The following ADAMTSL1 variants were observed in gnomAD, a reference collection of about 807,000 sequenced individuals.
ADAMTSL1 encodes the protein ADAMTS-like protein 1.
Under a neutral mutation model 201.8 loss-of-function variants are expected in ADAMTSL1, and 126 were observed. The ratio of observed to expected loss-of-function variants is 0.62; its 90% CI spans 0.54 to 0.72. The LOEUF (loss-of-function observed/expected upper bound fraction) is 0.72, where lower values mean the gene tolerates loss of function less well. Among genes scored for constraint, ADAMTSL1 ranks in the 30% least tolerant of loss-of-function variants. The pLI is 0.00. For missense variants in ADAMTSL1, 2,679 were observed against 2,277.8 expected, an observed-to-expected ratio of 1.18 and a Z score of -3.59; for synonymous variants, 1,121 against 903.4, an observed-to-expected ratio of 1.24 and a Z score of -4.32.
chr9:18,292,031 A>C (rs891255055), intron 2 of ADAMTSL1, among the ~76,000 whole-genome samples: 3 of 152,128 alleles, frequency 2.0e-5, no homozygotes, highest in African/African-American at 7.2e-5. Flanking sequence ...GTGGAGAAGA[A>C]CAGCAGAGCT....
intron 1 of ADAMTSL1, among the ~76,000 whole-genome samples, chr9:17,985,920 A>G (rs1818910956): frequency 6.6e-6 from 1 of 152,146 alleles, no homozygotes; most frequent in Admixed American, 6.6e-5. Context: ...ACAAGCCAGA[A>G]TCCTGGCCCA....
At chr9:18,787,131 G>C (rs1472142759) in intron 19 of ADAMTSL1, among the ~76,000 whole-genome samples, 1 of 152,174 alleles carries the variant, frequency 6.6e-6, no homozygotes, top group Non-Finnish European at 1.5e-5. Context: ...AGGGAAGATA[G>C]GGAAGGAAAA....
chr9:18,040,247 C>A (rs371241235), intron 1 of ADAMTSL1, among the ~76,000 whole-genome samples: 12 of 152,076 alleles, frequency 7.9e-5, no homozygotes, highest in African/African-American at 2.7e-4. Context: ...CTCTGTTTTC[C>A]CCAACCCTTT....
chr9:18,494,944 G>C (rs778364852), intron 1 of ADAMTSL1, among the ~76,000 whole-genome samples: 9 of 152,180 alleles, frequency 5.9e-5, no homozygotes, highest in African/African-American at 9.7e-5. Context: ...TGGGAATGAT[G>C]AAGAGGACAG....
At chr9:17,953,093 A>T (rs1378971395) in intron 1 of ADAMTSL1, among the ~76,000 whole-genome samples, 1 of 151,826 alleles carries the variant, frequency 6.6e-6, no homozygotes, top group South Asian at 2.1e-4. Context: ...ATGACATGAT[A>T]CTGCAAACCA....
At chr9:18,724,832 C>G (rs1334170187) in intron 15 of ADAMTSL1, among the ~76,000 whole-genome samples, 2 of 152,204 alleles carry the variant, frequency 1.3e-5, no homozygotes, top group Admixed American at 6.5e-5. Flanking sequence ...CTCCAACCTT[C>G]CAGATGCTGT....
At chr9:18,565,084 G>C (rs1237690379) in intron 3 of ADAMTSL1, among the ~76,000 whole-genome samples, 3 of 152,142 alleles carry the variant, frequency 2.0e-5, no homozygotes, top group African/African-American at 4.8e-5. Context: ...AAACTAGCCT[G>C]GCAAACCATT....
chr9:18,181,865 T>C (rs928161599), intron 2 of ADAMTSL1, among the ~76,000 whole-genome samples: 6 of 152,046 alleles, frequency 3.9e-5, no homozygotes, highest in African/African-American at 1.5e-4. Context: ...TTATTCACAA[T>C]AGCAAAGACT....
chr9:18,320,485 C>T (rs548851029), intron 2 of ADAMTSL1, among the ~76,000 whole-genome samples: 2 of 152,134 alleles, frequency 1.3e-5, no homozygotes, highest in Middle Eastern at 3.4e-3. Flanking sequence ...ATTTGGTGCC[C>T]GCAGATCTAC....
intron 13 of ADAMTSL1, among the ~76,000 whole-genome samples, chr9:18,699,423 C>T (rs1831792755): frequency 6.7e-6 from 1 of 149,966 alleles, no homozygotes; most frequent in Non-Finnish European, 1.5e-5. Flanking sequence ...CTCCTGGGTG[C>T]AAGAGATCCT....
At chr9:17,948,039 G>A (rs369254604) in intron 1 of ADAMTSL1, among the ~76,000 whole-genome samples, 7 of 152,186 alleles carry the variant, frequency 4.6e-5, no homozygotes, top group South Asian at 4.2e-4. Flanking sequence ...GGTAAATGTC[G>A]ACAAGCATTC....
At chr9:18,187,807 T>C (rs7032289) in intron 2 of ADAMTSL1, among the ~76,000 whole-genome samples, 112,757 of 152,108 alleles carry the variant, frequency 0.74, 42,009 homozygotes, top group South Asian at 0.81. Context: ...TCACTTGGAC[T>C]TCATTTGCTA....
At chr9:18,412,420 T>C (rs1818482860) in intron 2 of ADAMTSL1, among the ~76,000 whole-genome samples, 1 of 152,228 alleles carries the variant, frequency 6.6e-6, no homozygotes, top group Admixed American at 6.5e-5. Flanking sequence ...TCATTACTGG[T>C]TGTAAAATGA....
Position 18,505,003 on chromosome 9 carries a change from C to T in ADAMTSL1, c.191+47C>T, listed in dbSNP as rs532051274. The T allele has an allele frequency of 6.4e-6, 10 of 1,566,882 alleles. No homozygotes were observed. In the East Asian group the frequency reaches 1.4e-4, roughly 22 times the overall value. On this transcript the variant is annotated intron_variant, in intron 2 of 28. Transcript: ENST00000380548. ...GGTCTTTGTGAGAACCAGAGGTAGCCGGTTTGAGGCATGCTTTTGTGATTG... is the reference window on the plus strand; with the variant it reads ...GGTCTTTGTGAGAACCAGAGGTAGCTGGTTTGAGGCATGCTTTTGTGATTG...
At chr9:18,714,663 A>G (rs1832807814) in intron 14 of ADAMTSL1, among the ~76,000 whole-genome samples, 1 of 150,726 alleles carries the variant, frequency 6.6e-6, no homozygotes, top group African/African-American at 2.4e-5. Context: ...GAATTCTACC[A>G]GAGGTACAAG....
intron 1 of ADAMTSL1, among the ~76,000 whole-genome samples, chr9:18,480,145 G>T (rs1422537963): frequency 2.0e-5 from 3 of 152,146 alleles, no homozygotes; most frequent in Non-Finnish European, 4.4e-5. Context: ...TGTAAAACTT[G>T]AAGGTACTTA....
intron 3 of ADAMTSL1, among the ~76,000 whole-genome samples, chr9:18,547,906 G>T (rs928763333): frequency 6.6e-6 from 1 of 151,774 alleles, no homozygotes; most frequent in Non-Finnish European, 1.5e-5. Flanking sequence ...CAAAGACAGG[G>T]AGAACAAAAG....
intron 14 of ADAMTSL1, among the ~76,000 whole-genome samples, chr9:18,711,251 G>A (rs1321612201): frequency 6.6e-6 from 1 of 152,196 alleles, no homozygotes; most frequent in Non-Finnish European, 1.5e-5. Context: ...AGCCAAGATG[G>A]CCGAATAGGA....
chr9:18,749,146 A>T (rs1250364294), intron 15 of ADAMTSL1, among the ~76,000 whole-genome samples: 1 of 152,178 alleles, frequency 6.6e-6, no homozygotes, highest in Admixed American at 6.5e-5. Context: ...CTCTATTTCC[A>T]TGTAAGGTCA....
Sources: gnomAD v4.1 joint callset for allele counts (sites outside exome capture counted in the v4.1 genomes callset) on GRCh38, gnomAD v4.1.1 for gene constraint, MANE v1.5 for transcripts, NCBI Gene and HGNC (gene_info 2026-07-23, HGNC 2026-07-21) for gene names.